The following EPRS1 variants were observed in gnomAD, a reference collection of about 807,000 sequenced individuals.
EPRS1 encodes bifunctional glutamate/proline--tRNA ligase.
A neutral mutation model predicts 188.3 loss-of-function variants in EPRS1; 107 were observed. That is an observed-to-expected ratio of 0.57 (90% CI 0.49 to 0.67). The LOEUF is 0.67. Ranked by LOEUF, EPRS1 falls within the 30% of genes least tolerant of loss-of-function variation. The probability of loss-of-function intolerance (pLI) is 0.00; values close to 1 mark genes in which losing one functional copy is unlikely to be tolerated. For synonymous variants in EPRS1, 596 were observed against 593.1 expected (o/e 1.00, Z -0.07); for missense variants, 1,577 against 1,802.2 (o/e 0.88, Z 2.26).
intron 18 of EPRS1, 94 bp downstream of exon 18, chr1:219,996,889 G>T: frequency 1.6e-6 from 2 of 1,263,450 alleles, no homozygotes; most frequent in South Asian, 1.5e-5. Flanking sequence ...ATCAAAATAT[G>T]AGCAGTCGAT....
In EPRS1 at chr1:220,022,799, C is replaced by A. The variant is rs575812228; in HGVS notation, c.944-281G>T. On this transcript the variant is annotated intron_variant, in intron 8 of 31. Coordinates refer to ENST00000366923, the MANE Select transcript of EPRS1 (RefSeq NM_004446.3). ...TATCAATTAAGCATAAGAAAAAGTA[C>A]AAGGCCTGAAGGCTCCGCTCACCTA... 5.9e-4 allele frequency among the ~76,000 whole-genome samples: 90 copies of A among 152,340 alleles called. No homozygotes were observed. The South Asian group carries it at 0.018, about 31-fold the overall frequency.
intron 4 of EPRS1, among the ~76,000 whole-genome samples, chr1:220,033,142 T>C (rs1365586670): frequency 6.6e-6 from 1 of 152,016 alleles, no homozygotes; most frequent in African/African-American, 2.4e-5. Flanking sequence ...TGAGCAATAA[T>C]GGCTTTTTTC....
At chr1:219,983,656 G>A (rs537875722) in intron 21 of EPRS1, among the ~76,000 whole-genome samples, 6 of 152,246 alleles carry the variant, frequency 3.9e-5, no homozygotes, top group Middle Eastern at 3.4e-3. Flanking sequence ...ACTTTGGGAC[G>A]CCGAGGTGGG....
intron 20 of EPRS1, among the ~76,000 whole-genome samples, chr1:219,985,431 C>T (rs969667902): frequency 1.3e-5 from 2 of 152,112 alleles, no homozygotes; most frequent in African/African-American, 4.8e-5. Flanking sequence ...CTCACCCCAT[C>T]GCCCAGGCTG....
Position 220,040,850 on chromosome 1 carries a change from T to TAA in EPRS1, c.47-583_47-582dup, listed in dbSNP as rs61548054. ...AGGTGACAAGAGCAAAACTGCGTCT[T>TAA]AAAAAAAAAAAAAATAGTATAGTGC... On this transcript the variant is annotated intron_variant, in intron 1 of 31. Coordinates refer to ENST00000366923, the MANE Select transcript of EPRS1 (RefSeq NM_004446.3). 1.4e-3 allele frequency among the ~76,000 whole-genome samples: 200 copies of TAA among 141,066 alleles called. 7 individuals carry two copies. In the East Asian group the frequency reaches 0.022, roughly 16 times the overall value. The allele number at this position is 141,066 out of a possible 152,430, so 92.5% of individuals were successfully genotyped here. A position where few individuals can be genotyped will look rare whatever the true frequency, so the allele number is the denominator to read the frequency against.
intron 1 of EPRS1, among the ~76,000 whole-genome samples, chr1:220,042,599 T>C (rs1381832759): frequency 6.6e-6 from 1 of 150,928 alleles, no homozygotes; most frequent in African/African-American, 2.4e-5. Flanking sequence ...AGCACACCCA[T>C]ACAATGAAAT....
Position 219,981,456 on chromosome 1 carries a change from T to C in EPRS1, c.3375A>G (p.Val1125=). The part of the protein sequence containing the change: ...PIAIRPTSET[V]MYPAYAKWVQ... ...CCCATTTTGCATATGCAGGATACAT[T>C]ACTGAAAGACACGGGAAAATAGAGA... Residue 1125 remains valine (V), a splice_region_variant and synonymous_variant, in exon 24 of 32, where the codon GTA becomes GTG. Transcript: ENST00000366923. 1 of 1,586,058 alleles carries C rather than the reference T, an allele frequency of 6.3e-7. No individual in the cohort carries two copies. The highest frequency in any genetic ancestry group is 8.6e-7 in the Non-Finnish European group (1 of 1,163,454).
chr1:220,039,740 G>T (rs1434625163), intron 2 of EPRS1, among the ~76,000 whole-genome samples: 1 of 152,000 alleles, frequency 6.6e-6, no homozygotes, highest in Admixed American at 6.6e-5. Context: ...GGATGGTCTC[G>T]ATCTCCTGAC....
At chr1:220,034,766 T>C (rs1662146060) in intron 3 of EPRS1, 148 bp downstream of exon 3, 5 of 605,898 alleles carry the variant, frequency 8.3e-6, no homozygotes, top group Admixed American at 3.3e-5. Context: ...AAAAACAAGA[T>C]GAGCATTCTG....
At chr1:220,030,696 C>T (rs1662066819) in intron 5 of EPRS1, among the ~76,000 whole-genome samples, 1 of 152,062 alleles carries the variant, frequency 6.6e-6, no homozygotes, top group African/African-American at 2.4e-5. Flanking sequence ...TGTTAGGGCA[C>T]TCAGTTGAAA....
rs777809815 is a variant in EPRS1, at chr1:220,005,374, A to AC, written c.1951-15_1951-14insG. 4 of 1,225,996 alleles carry AC rather than the reference A, an allele frequency of 3.3e-6. No homozygotes were observed. The highest frequency in any genetic ancestry group is 4.4e-6 in the Non-Finnish European group (4 of 909,364). The allele number at this position is 1,225,996 out of a possible 1,614,324, so 75.9% of individuals were successfully genotyped here. A position where few individuals can be genotyped will look rare whatever the true frequency, so the allele number is the denominator to read the frequency against. The stretch of plus-strand genomic sequence containing the variant: ...TAGCTCTTCATGCTGTAAAGATGAT[A>AC]TAAACCAAAGTACACTTTCTCAAAA... On this transcript the variant is annotated splice_polypyrimidine_tract_variant and intron_variant, in intron 15 of 31. Coordinates refer to ENST00000366923, the MANE Select transcript of EPRS1 (RefSeq NM_004446.3).
intron 2 of EPRS1, among the ~76,000 whole-genome samples, chr1:220,037,932 G>A (rs1188812964): frequency 3.9e-5 from 6 of 151,978 alleles, no homozygotes; most frequent in East Asian, 1.9e-4. Flanking sequence ...AAACTTACAC[G>A]GTCATTATAA....
At chr1:220,036,631 G>A (rs1036978267) in intron 2 of EPRS1, among the ~76,000 whole-genome samples, 6 of 152,038 alleles carry the variant, frequency 3.9e-5, no homozygotes, top group Admixed American at 6.6e-5. Context: ...GGAGCTTAAC[G>A]ACGAGAACAC....
intron 6 of EPRS1, among the ~76,000 whole-genome samples, chr1:220,027,547 G>A (rs1430968717): frequency 1.6e-5 from 2 of 124,622 alleles, no homozygotes; most frequent in African/African-American, 3.1e-5. Context: ...AGCCAAGATC[G>A]CGCCACTGCA....
chr1:219,991,876 CTGATG>C (rs1288082548), intron 18 of EPRS1, among the ~76,000 whole-genome samples: 1 of 152,194 alleles, frequency 6.6e-6, no homozygotes. Flanking sequence ...GATCCCCAAG[CTGATG>C]TAAGTCTTGT....
chr1:220,024,272 CTA>C lies in EPRS1; in HGVS notation c.933_934del (p.His311GlnfsTer6), dbSNP rs748808852. The C allele has an allele frequency of 1.3e-6, 2 of 1,571,080 alleles. No homozygotes were observed. On this transcript the variant is annotated frameshift_variant, in exon 8 of 32. Coordinates refer to ENST00000366923, the MANE Select transcript of EPRS1 (RefSeq NM_004446.3). LOFTEE classifies it high-confidence loss of function. ...AAAACAATGTGGCTTACGGTTTTTTCTATGTTTAGAGTCTATCCTCTGCTCAC... is the reference window on the plus strand; with the variant it reads ...AAAACAATGTGGCTTACGGTTTTTTCTGTTTAGAGTCTATCCTCTGCTCAC...
chr1:220,011,919 G>A (rs1267065508), intron 12 of EPRS1, among the ~76,000 whole-genome samples: 1 of 152,184 alleles, frequency 6.6e-6, no homozygotes, highest in Non-Finnish European at 1.5e-5. Flanking sequence ...AGTAATGGAA[G>A]TTATTTTTTC....
intron 12 of EPRS1, among the ~76,000 whole-genome samples, chr1:220,014,755 A>C (rs1661669991): frequency 6.8e-6 from 1 of 147,396 alleles, no homozygotes; most frequent in African/African-American, 2.5e-5. Flanking sequence ...GCTCAGTTGA[A>C]AGCCCAACTC....
intron 1 of EPRS1, among the ~76,000 whole-genome samples, chr1:220,043,133 G>T (rs1662330746): frequency 6.6e-6 from 1 of 151,920 alleles, no homozygotes; most frequent in African/African-American, 2.4e-5. Context: ...GTAGGGAAAG[G>T]AATGACTGCA....
Sources: allele counts gnomAD v4.1 joint callset (sites outside exome capture counted in the v4.1 genomes callset), GRCh38; gene constraint gnomAD v4.1.1; transcripts MANE v1.5; gene names NCBI Gene and HGNC (gene_info 2026-07-23, HGNC 2026-07-21).